The following CADPS variants were observed in gnomAD, a reference collection of about 807,000 sequenced individuals.
The protein encoded by CADPS is calcium-dependent secretion activator 1.
A neutral mutation model predicts 167.3 loss-of-function variants in CADPS; 57 were observed. That is an observed-to-expected ratio of 0.34 (90% CI 0.28 to 0.42). The LOEUF (loss-of-function observed/expected upper bound fraction) is 0.42. CADPS is among the 20% of genes least tolerant of loss of function. The probability of loss-of-function intolerance (pLI) is 1.00; values close to 1 mark genes in which losing one functional copy is unlikely to be tolerated. For missense variants in CADPS, 1,414 were observed against 1,738.1 expected, an observed-to-expected ratio of 0.81 and a Z score of 3.32; for synonymous variants, 676 against 635.3, an observed-to-expected ratio of 1.06 and a Z score of -0.96.
At chr3:62,464,584 A>G (rs2059734666) in intron 26 of CADPS, among the ~76,000 whole-genome samples, 1 of 152,152 alleles carries the variant, frequency 6.6e-6, no homozygotes, top group Non-Finnish European at 1.5e-5. Context: ...TTCATTGATC[A>G]TTTATCCATA....
intron 1 of CADPS, among the ~76,000 whole-genome samples, chr3:62,778,080 C>T (rs755299860): frequency 6.6e-6 from 1 of 152,194 alleles, no homozygotes; most frequent in Non-Finnish European, 1.5e-5. Context: ...TTTAATGACT[C>T]TTGCTCCATC....
intron 3 of CADPS, among the ~76,000 whole-genome samples, chr3:62,725,974 T>C (rs1291079882): frequency 6.6e-6 from 1 of 151,854 alleles, no homozygotes; most frequent in African/African-American, 2.4e-5. Flanking sequence ...AGTCTGGCTT[T>C]GGACACTAGG....
chr3:62,494,404 C>G (rs1576798791), intron 18 of CADPS, among the ~76,000 whole-genome samples: 1 of 152,290 alleles, frequency 6.6e-6, no homozygotes. Context: ...AAGGCTGACT[C>G]TCATCAATCC....
chr3:62,643,012 C>T (rs2067766477), intron 6 of CADPS, among the ~76,000 whole-genome samples: 1 of 152,016 alleles, frequency 6.6e-6, no homozygotes, highest in Non-Finnish European at 1.5e-5. Context: ...TAGAGAAAAA[C>T]TACTAGAAGT....
At chr3:62,512,854 GC>G in intron 16 of CADPS, 86 bp from the exon 17 acceptor site, 4 of 1,140,650 alleles carry the variant, frequency 3.5e-6, no homozygotes, top group African/African-American at 3.1e-5. Context: ...GGACCAAAAT[GC>G]CCCCCACTTA....
chr3:62,576,030 A>G (rs530155786), intron 8 of CADPS, among the ~76,000 whole-genome samples: 1 of 152,194 alleles, frequency 6.6e-6, no homozygotes, highest in Non-Finnish European at 1.5e-5. Flanking sequence ...TGCTCATTAA[A>G]TAGGATACAC....
intron 1 of CADPS, among the ~76,000 whole-genome samples, chr3:62,819,529 G>A (rs2094799736): frequency 6.6e-6 from 1 of 151,620 alleles, no homozygotes; most frequent in Middle Eastern, 3.2e-3. Flanking sequence ...CCCTTCATCC[G>A]CTTATGAGAG....
chr3:62,461,628 T>C (rs2059361333), intron 26 of CADPS, among the ~76,000 whole-genome samples: 2 of 152,192 alleles, frequency 1.3e-5, no homozygotes, highest in Non-Finnish European at 2.9e-5. Flanking sequence ...GCAGCTGCTA[T>C]TTTGTCCAGA....
At position 62,874,121 on chromosome 3, in the gene CADPS, C is replaced by T. The variant is rs1347212250; in HGVS notation, c.441+468G>A. Among the ~76,000 whole-genome samples, 1 of 152,202 alleles carries T rather than the reference C, an allele frequency of 6.6e-6. No homozygotes were observed. The highest frequency in any genetic ancestry group is 2.4e-5 in the African/African-American group (1 of 41,462). On this transcript the variant is annotated intron_variant, in intron 1 of 29. Coordinates refer to ENST00000383710, the MANE Select transcript of CADPS (RefSeq NM_003716.4). The surrounding 1 kb of genome is among the most constrained non-coding windows in gnomAD (Gnocchi z 7.1). ...CTCCAAGACGCTCTTCTCCCTCCACCTCGGCGCCCCCACCTGCCGTTGCCC... is the reference window on the plus strand; with the variant it reads ...CTCCAAGACGCTCTTCTCCCTCCACTTCGGCGCCCCCACCTGCCGTTGCCC...
chr3:62,800,911 C>G (rs2152804602), intron 1 of CADPS, among the ~76,000 whole-genome samples: 1 of 152,240 alleles, frequency 6.6e-6, no homozygotes, highest in African/African-American at 2.4e-5. Context: ...TTCCTTCTTT[C>G]TATTTTTATA....
intron 3 of CADPS, among the ~76,000 whole-genome samples, chr3:62,669,329 C>T (rs1381590025): frequency 1.3e-5 from 2 of 152,298 alleles, no homozygotes; most frequent in Non-Finnish European, 2.9e-5. Context: ...TTTTATCCTC[C>T]TTCAGAGACA....
chr3:62,762,156 C>T (rs1203570483), intron 2 of CADPS, among the ~76,000 whole-genome samples: 1 of 152,200 alleles, frequency 6.6e-6, no homozygotes, highest in East Asian at 1.9e-4. Context: ...CTTTACTACT[C>T]TAGCATGCTG....
intron 13 of CADPS, among the ~76,000 whole-genome samples, chr3:62,531,729 G>A (rs1350927019): frequency 1.3e-5 from 2 of 152,134 alleles, no homozygotes; most frequent in East Asian, 3.9e-4. Flanking sequence ...TGTTGGTTGG[G>A]GAGCTTTGGG....
chr3:62,820,799 T>G (rs1259267328), intron 1 of CADPS, among the ~76,000 whole-genome samples: 1 of 150,964 alleles, frequency 6.6e-6, no homozygotes, highest in Admixed American at 6.6e-5. Flanking sequence ...TTTTTGGTTT[T>G]TTTTTTTTTT....
At chr3:62,696,175 G>A (rs1293884113) in intron 3 of CADPS, among the ~76,000 whole-genome samples, 3 of 151,934 alleles carry the variant, frequency 2.0e-5, no homozygotes. Flanking sequence ...GGTGACATTG[G>A]GGCCAGGACT....
chr3:62,698,880 C>T (rs1386623014), intron 3 of CADPS, among the ~76,000 whole-genome samples: 1 of 151,638 alleles, frequency 6.6e-6, no homozygotes, highest in Non-Finnish European at 1.5e-5. Flanking sequence ...GCTGGGACTA[C>T]AGTCACATAC....
At chr3:62,789,645 G>C (rs1295744598) in intron 1 of CADPS, among the ~76,000 whole-genome samples, 1 of 152,168 alleles carries the variant, frequency 6.6e-6, no homozygotes, top group East Asian at 1.9e-4. Context: ...ACACGTTCCA[G>C]AGATATTCAA....
chr3:62,518,192 C>G lies in CADPS; in HGVS notation c.2350G>C (p.Glu784Gln). The G allele has an allele frequency of 1.2e-6, 2 of 1,612,910 alleles. No individual in the cohort carries two copies. Among genetic ancestry groups the G allele is most frequent in the South Asian group, 2.2e-5 (2 of 91,040 alleles). Residue 784 changes from glutamate (E) to glutamine (Q), a missense_variant, in exon 14 of 30, where the codon GAG becomes CAG. Glu to Gln is a conservative substitution (Grantham distance 29). This residue lies in a region of CADPS where 529 missense variants were observed against 629.6 expected (regional missense o/e 0.84). Transcript: ENST00000383710. ...TTTTCTAGCAGAACTCGGAGCCTCT[C>G]TTTGATTTCTTCAAAACGTTCCTTT... ...EEKERFEEIKERLRVLLENQI... is the reference protein window; with the variant it reads ...EEKERFEEIKQRLRVLLENQI...
intron 3 of CADPS, among the ~76,000 whole-genome samples, chr3:62,702,236 C>T (rs1223388695): frequency 2.6e-5 from 4 of 152,190 alleles, no homozygotes; most frequent in African/African-American, 7.2e-5. Flanking sequence ...AGGCCTGTCT[C>T]AGATACTTTT....
Sources: gnomAD v4.1 joint callset for allele counts (sites outside exome capture counted in the v4.1 genomes callset) on GRCh38, gnomAD v4.1.1 for gene constraint, gnomAD v4.1.1 regional missense constraint, Gnocchi (gnomAD v3.1) non-coding constraint, MANE v1.5 for transcripts, NCBI Gene and HGNC (gene_info 2026-07-23, HGNC 2026-07-21) for gene names.